Variants in CRTAC1 observed in about 807,000 individuals in gnomAD.
The protein encoded by CRTAC1 is acidic secreted protein in cartilage.
Under a neutral mutation model 67.8 loss-of-function variants are expected in CRTAC1, and 37 were observed. The observed-to-expected ratio is 0.55, with a 90% CI of 0.42 to 0.72. The LOEUF (loss-of-function observed/expected upper bound fraction) is 0.72. Among genes scored for constraint, CRTAC1 ranks in the 30% least tolerant of loss-of-function variants. The pLI is 0.00. For missense variants in CRTAC1, 780 were observed against 931.6 expected, an observed-to-expected ratio of 0.84 and a Z score of 2.12; for synonymous variants, 348 against 371.0, an observed-to-expected ratio of 0.94 and a Z score of 0.71.
In CRTAC1 at chr10:97,950,233, GCACACA is replaced by G. The variant is rs58716155; in HGVS notation, c.225-13873_225-13868del. Among the ~76,000 whole-genome samples the G allele has an allele frequency of 6.5e-3, 824 of 126,234 alleles. 12 individuals carry two copies. The highest frequency in any genetic ancestry group is 0.023 in the African/African-American group (752 of 32,734). The allele number at this position is 126,234 out of a possible 152,430, so 82.8% of individuals were successfully genotyped here. On this transcript the variant is annotated intron_variant, in intron 2 of 14. Transcript: ENST00000370597. ...ACAGCTGTTGGTTTTGCATGTACGT[GCACACA>G]CACACACAGAGAGAGAGAGAGAGAG...
intron 2 of CRTAC1, among the ~76,000 whole-genome samples, chr10:97,964,536 A>G (rs1258772052): frequency 2.0e-5 from 3 of 152,206 alleles, no homozygotes; most frequent in Non-Finnish European, 4.4e-5. Flanking sequence ...GCCTTTCCAG[A>G]TGTGGCACCA....
intron 1 of CRTAC1, among the ~76,000 whole-genome samples, chr10:98,024,746 CTTTTTTTTTTTTTTTTT>C (rs749919406): frequency 3.1e-5 from 2 of 65,052 alleles, no homozygotes; most frequent in East Asian, 4.0e-4. Context: ...TTATATTATC[CTTTTTTTTTTTTTTTTT>C]TTTTTTTTTT....
chr10:98,027,529 CA>C (rs1430648569), intron 1 of CRTAC1, among the ~76,000 whole-genome samples: 2 of 152,134 alleles, frequency 1.3e-5, no homozygotes, highest in African/African-American at 4.8e-5. Flanking sequence ...GTTCCAAGAC[CA>C]CAGTGAGGGA....
intron 3 of CRTAC1, among the ~76,000 whole-genome samples, chr10:97,934,491 A>G (rs539759895): frequency 6.8e-6 from 1 of 146,964 alleles, no homozygotes; most frequent in East Asian, 2.0e-4. Flanking sequence ...CCCCTGGCAT[A>G]AGCCCCAACC....
At chr10:98,010,512 T>C (rs1479773353) in intron 2 of CRTAC1, among the ~76,000 whole-genome samples, 2 of 152,152 alleles carry the variant, frequency 1.3e-5, no homozygotes, top group African/African-American at 4.8e-5. Flanking sequence ...ACTGGAACGT[T>C]TACACCTTAG....
At chr10:97,934,193 T>C (rs768485868) in intron 3 of CRTAC1, among the ~76,000 whole-genome samples, 3 of 152,216 alleles carry the variant, frequency 2.0e-5, no homozygotes, top group Admixed American at 6.5e-5. Context: ...ACCCCTTCTA[T>C]AGGCATCCCT....
chr10:98,005,081 C>CATATATATATATATATAT, intron 2 of CRTAC1, among the ~76,000 whole-genome samples: 1 of 54,590 alleles, frequency 1.8e-5, no homozygotes, highest in African/African-American at 7.1e-5. Context: ...TAAAGTAATA[C>CATATATATATATATATAT]ATATATATAT....
chr10:97,991,100 A>C (rs867754967), intron 2 of CRTAC1, among the ~76,000 whole-genome samples: 26 of 107,000 alleles, frequency 2.4e-4, no homozygotes, highest in African/African-American at 1.1e-3. Flanking sequence ...CCATCTCTAC[A>C]AAAAAAAAAA....
chr10:97,967,234 T>C (rs2051633124), intron 2 of CRTAC1, among the ~76,000 whole-genome samples: 1 of 152,212 alleles, frequency 6.6e-6, no homozygotes, highest in South Asian at 2.1e-4. Flanking sequence ...CAATACAACT[T>C]TATTTATGTT....
intron 1 of CRTAC1, among the ~76,000 whole-genome samples, chr10:98,016,945 G>A (rs1017853057): frequency 2.6e-5 from 4 of 152,182 alleles, no homozygotes; most frequent in Non-Finnish European, 5.9e-5. Context: ...CAGAAGAGCA[G>A]CTGGCACCCG....
At chr10:97,874,724 C>T (rs1206693415) in intron 14 of CRTAC1, among the ~76,000 whole-genome samples, 2 of 152,076 alleles carry the variant, frequency 1.3e-5, no homozygotes, top group African/African-American at 4.8e-5. Context: ...AGGTATTATC[C>T]CCATCTTGCA....
chr10:97,882,644 G>A, intron 13 of CRTAC1, 142 bp downstream of exon 13: 1 of 785,716 alleles, frequency 1.3e-6, no homozygotes, highest in Non-Finnish European at 2.1e-6. Context: ...CTTGGCATCT[G>A]GAGTCCCAGG....
chr10:97,909,803 T>C (rs1274475741), intron 5 of CRTAC1, among the ~76,000 whole-genome samples: 10 of 152,296 alleles, frequency 6.6e-5, no homozygotes, highest in South Asian at 2.1e-4. Context: ...GGAATGAAGA[T>C]ACGAAGTGTC....
chr10:97,934,470 G>GCCTGCC (rs755990463), intron 3 of CRTAC1, among the ~76,000 whole-genome samples: 139 of 147,166 alleles, frequency 9.4e-4, no homozygotes, highest in Admixed American at 1.5e-3. Flanking sequence ...AGACAGCACT[G>GCCTGCC]CCTGCCCCTG....
intron 11 of CRTAC1, among the ~76,000 whole-genome samples, chr10:97,894,749 T>C (rs1590189303): frequency 1.6e-5 from 1 of 62,426 alleles, no homozygotes; most frequent in Non-Finnish European, 3.4e-5. Flanking sequence ...TATATATATA[T>C]ATATATATAT....
chr10:97,973,696 A>G (rs909229453), intron 2 of CRTAC1, among the ~76,000 whole-genome samples: 4 of 152,090 alleles, frequency 2.6e-5, no homozygotes, highest in Admixed American at 1.3e-4. Context: ...CTCCTTCCTG[A>G]ACCCCTTTTG....
intron 6 of CRTAC1, among the ~76,000 whole-genome samples, chr10:97,905,983 C>G (rs1032980270): frequency 1.3e-5 from 2 of 152,218 alleles, no homozygotes; most frequent in Admixed American, 6.5e-5. Context: ...CACCCACCCA[C>G]GTTGACTCTT....
At chr10:97,948,248 A>T (rs367587026) in intron 2 of CRTAC1, among the ~76,000 whole-genome samples, 2 of 152,224 alleles carry the variant, frequency 1.3e-5, no homozygotes, top group African/African-American at 4.8e-5. Context: ...GGGGTAGCCA[A>T]CAGTGTCAGA....
At chr10:97,876,738 G>T (rs1019420474) in intron 14 of CRTAC1, among the ~76,000 whole-genome samples, 1 of 152,190 alleles carries the variant, frequency 6.6e-6, no homozygotes, top group Non-Finnish European at 1.5e-5. Context: ...TTATCTGTGT[G>T]CAGGAGGGGA....
Sources: allele counts gnomAD v4.1 joint callset (sites outside exome capture counted in the v4.1 genomes callset), GRCh38; gene constraint gnomAD v4.1.1; transcripts MANE v1.5; gene names NCBI Gene and HGNC (gene_info 2026-07-23, HGNC 2026-07-21).